Variants in LMNTD1 observed in about 807,000 individuals in gnomAD.
LMNTD1 encodes the protein lamin tail domain containing 1.
LMNTD1 carries 35 observed loss-of-function variants against 50.9 expected under a neutral mutation model. That is an observed-to-expected ratio of 0.69 (90% CI 0.53 to 0.91). The LOEUF is 0.91. Ranked by LOEUF, LMNTD1 falls within the 40% of genes least tolerant of loss-of-function variation. The pLI is 0.00. For synonymous variants in LMNTD1, 153 were observed against 161.9 expected, an observed-to-expected ratio of 0.94 and a Z score of 0.42; for missense variants, 470 against 475.5, an observed-to-expected ratio of 0.99 and a Z score of 0.11.
At chr12:25,591,567 GC>G (rs1945696602) in intron 1 of LMNTD1, among the ~76,000 whole-genome samples, 1 of 152,170 alleles carries the variant, frequency 6.6e-6, no homozygotes, top group Admixed American at 6.5e-5. Context: ...CCCTGGACAT[GC>G]CCAGGGCCTG....
intron 8 of LMNTD1, among the ~76,000 whole-genome samples, chr12:25,513,640 ACAAG>A (rs1940497446): frequency 6.6e-6 from 1 of 152,194 alleles, no homozygotes; most frequent in Admixed American, 6.5e-5. Flanking sequence ...TGCTTCAAAA[ACAAG>A]CAAGCAAACA....
chr12:25,488,995 C>T (rs1171560962), intron 9 of LMNTD1, among the ~76,000 whole-genome samples: 1 of 152,190 alleles, frequency 6.6e-6, no homozygotes, highest in Non-Finnish European at 1.5e-5. Context: ...TCTCAGATCT[C>T]CAGCTGTGTG....
At chr12:25,643,121 AC>A (rs1946987734) in intron 1 of LMNTD1, among the ~76,000 whole-genome samples, 1 of 152,234 alleles carries the variant, frequency 6.6e-6, no homozygotes, top group Non-Finnish European at 1.5e-5. Flanking sequence ...ACAGAAAAAA[AC>A]ATATAACATG....
intron 9 of LMNTD1, among the ~76,000 whole-genome samples, chr12:25,489,341 T>C (rs376846570): frequency 6.6e-6 from 1 of 151,176 alleles, no homozygotes. Context: ...TGCGCCGTTT[T>C]TTAAGCCGGT....
intron 1 of LMNTD1, among the ~76,000 whole-genome samples, chr12:25,620,768 G>A (rs542778468): frequency 5.9e-5 from 9 of 152,296 alleles, no homozygotes; most frequent in African/African-American, 1.7e-4. Flanking sequence ...ACTCCACTCC[G>A]TAGCTACTAC....
intron 1 of LMNTD1, among the ~76,000 whole-genome samples, chr12:25,643,348 G>A (rs559799461): frequency 9.2e-5 from 14 of 152,244 alleles, no homozygotes; most frequent in African/African-American, 1.7e-4. Flanking sequence ...CAGAGACCCC[G>A]ACACCTGGTG....
intron 2 of LMNTD1, among the ~76,000 whole-genome samples, chr12:25,550,599 G>A (rs1943689005): frequency 6.6e-6 from 1 of 152,158 alleles, no homozygotes; most frequent in Non-Finnish European, 1.5e-5. Context: ...ATTTCCCAAA[G>A]CTCTTATAAG....
chr12:25,513,958 T>C (rs1940533200), intron 8 of LMNTD1, among the ~76,000 whole-genome samples: 1 of 147,982 alleles, frequency 6.8e-6, no homozygotes, highest in African/African-American at 2.5e-5. Context: ...CATGACTCAG[T>C]ATCATAAAGG....
chr12:25,521,982 G>C (rs1328734083), intron 6 of LMNTD1, among the ~76,000 whole-genome samples: 3 of 152,146 alleles, frequency 2.0e-5, no homozygotes, highest in Non-Finnish European at 4.4e-5. Flanking sequence ...TGAAAAACGT[G>C]CCCTAACATT....
rs71065950 is a variant in LMNTD1 at position 25,520,145 on chromosome 12, C to CATATATATATAT, written c.799-82_799-71dup. 1,075 of 233,960 alleles carry CATATATATATAT rather than the reference C, an allele frequency of 4.6e-3. 13 individuals are homozygous for CATATATATATAT. Among genetic ancestry groups the CATATATATATAT allele is most frequent in the Admixed American group, 0.011 (178 of 16,060 alleles). The allele number at this position is 233,960 out of a possible 1,614,324, so 14.5% of individuals were successfully genotyped here. ...TTACAACATGCTGTTATGAGATATACATATATATATATATATATATATATA... is the reference window on the plus strand; with the variant it reads ...TTACAACATGCTGTTATGAGATATACATATATATATATATATATATATATATATATATATATA... On this transcript the variant is annotated intron_variant, in intron 6 of 9. Transcript: ENST00000458174.
intron 1 of LMNTD1, among the ~76,000 whole-genome samples, chr12:25,622,305 A>G (rs919081218): frequency 3.9e-5 from 6 of 152,118 alleles, no homozygotes; most frequent in African/African-American, 1.4e-4. Flanking sequence ...CCCTCAGGGT[A>G]CAGCAAACAG....
intron 4 of LMNTD1, among the ~76,000 whole-genome samples, chr12:25,537,319 C>T (rs1942675340): frequency 6.6e-6 from 1 of 152,226 alleles, no homozygotes; most frequent in African/African-American, 2.4e-5. Context: ...ACTTAAATGT[C>T]CCTGTCTGAC....
Position 25,519,970 on chromosome 12 carries a change from G to A in LMNTD1, c.904C>T (p.Arg302Cys), listed in dbSNP as rs150449531. 3.7e-6 allele frequency: 6 copies of A among 1,612,938 alleles called. No individual in the cohort carries two copies. Among genetic ancestry groups the A allele is most frequent in the Non-Finnish European group, 2.5e-6 (3 of 1,179,350 alleles). The change falls in exon 7 of 10, where the codon CGT (arginine) becomes TGT (cysteine). Residue 302 changes from arginine (R) to cysteine (C), a missense_variant. Transcript: ENST00000458174. Reference sequence around the variant, plus strand: ...GTAGATGCTGTCCACTGAAACACACGCTTTCGGAATGTTGGAGATACTACT... The same window carrying A: ...GTAGATGCTGTCCACTGAAACACACACTTTCGGAATGTTGGAGATACTACT... ...CSVVSPTFRK[R>C]VFQWTASTAT...
chr12:25,524,154 A>G (rs1941544932), intron 6 of LMNTD1, among the ~76,000 whole-genome samples: 1 of 152,174 alleles, frequency 6.6e-6, no homozygotes, highest in African/African-American at 2.4e-5. Flanking sequence ...TCTCCTTTAC[A>G]GAGTTGATAT....
chr12:25,566,572 C>T (rs1260233826), intron 1 of LMNTD1, among the ~76,000 whole-genome samples: 1 of 152,210 alleles, frequency 6.6e-6, no homozygotes, highest in Non-Finnish European at 1.5e-5. Context: ...TTTACATTCC[C>T]ACCAGCATGA....
intron 1 of LMNTD1, among the ~76,000 whole-genome samples, chr12:25,627,835 C>A (rs186392884): frequency 2.0e-5 from 3 of 152,140 alleles, no homozygotes; most frequent in Non-Finnish European, 4.4e-5. Flanking sequence ...ATGGGCCGGG[C>A]GCGGTGGCTC....
intron 1 of LMNTD1, among the ~76,000 whole-genome samples, chr12:25,561,566 T>C (rs1019309368): frequency 5.3e-5 from 8 of 152,196 alleles, no homozygotes; most frequent in African/African-American, 1.9e-4. Flanking sequence ...TTCAACTATG[T>C]GGTCAATTTT....
At chr12:25,489,229 C>A (rs1014894468) in intron 9 of LMNTD1, among the ~76,000 whole-genome samples, 2 of 151,174 alleles carry the variant, frequency 1.3e-5, no homozygotes, top group African/African-American at 2.4e-5. Context: ...CCCCCAGACT[C>A]GCTGCTGCCT....
At chr12:25,628,798 C>A (rs1946650959) in intron 1 of LMNTD1, among the ~76,000 whole-genome samples, 1 of 152,176 alleles carries the variant, frequency 6.6e-6, no homozygotes, top group South Asian at 2.1e-4. Context: ...AAGGAACCAG[C>A]CCTGCCAACA....
Sources: allele counts gnomAD v4.1 joint callset (sites outside exome capture counted in the v4.1 genomes callset), GRCh38; gene constraint gnomAD v4.1.1; transcripts MANE v1.5; gene names NCBI Gene and HGNC (gene_info 2026-07-23, HGNC 2026-07-21).